Variants in OGFRL1 observed in about 807,000 individuals in gnomAD.
OGFRL1 encodes the protein opioid growth factor receptor-like protein 1.
OGFRL1 carries 26 observed loss-of-function variants against 32.4 expected under a neutral mutation model. That is an observed-to-expected ratio of 0.80 (90% confidence interval 0.59 to 1.11). The LOEUF is 1.11. Ranked by LOEUF, OGFRL1 falls within the 50% of genes most tolerant of loss-of-function variation. The probability of loss-of-function intolerance (pLI) is 0.00; values close to 1 mark genes in which losing one functional copy is unlikely to be tolerated. For missense variants in OGFRL1, 521 were observed against 546.4 expected (o/e 0.95, Z 0.46); for synonymous variants, 211 against 201.2 (o/e 1.05, Z -0.41).
chr6:71,293,149 G>T, intron 1 of OGFRL1, 144 bp from the exon 2 acceptor site: 2 of 623,462 alleles, frequency 3.2e-6, no homozygotes, highest in Non-Finnish European at 5.7e-6. Flanking sequence ...GTTATTAAAG[G>T]AATATTTATA....
At chr6:71,300,525 G>A (rs1043780287) in intron 6 of OGFRL1, among the ~76,000 whole-genome samples, 1 of 152,054 alleles carries the variant, frequency 6.6e-6, no homozygotes, top group African/African-American at 2.4e-5. Flanking sequence ...ACCAGAGATT[G>A]AAGAAAATTA....
intron 3 of OGFRL1, among the ~76,000 whole-genome samples, chr6:71,294,982 A>G (rs1178546717): frequency 1.3e-5 from 2 of 152,178 alleles, no homozygotes; most frequent in Non-Finnish European, 2.9e-5. Context: ...TTCAAGCAAT[A>G]TATTGAATTT....
In OGFRL1 at chr6:71,307,535, GTTCA is replaced by G. The variant is rs939321762; in HGVS notation, c.*5491_*5494del. ...ATTTAATTAAAAAATTAGGGAAGTT[GTTCA>G]TTCACAGCTGTATATTAATATAAAA... is the stretch of plus-strand genomic sequence containing the variant. On this transcript the variant is annotated 3_prime_UTR_variant, in exon 7 of 7. Coordinates refer to ENST00000370435, the MANE Select transcript of OGFRL1 (RefSeq NM_024576.5). The G allele has an allele frequency of 2.6e-4, 39 of 152,068 alleles. No homozygotes were observed. Among genetic ancestry groups the G allele is most frequent in the African/African-American group, 7.2e-4 (30 of 41,464 alleles). 9.4% of individuals were successfully genotyped at this position (152,068 alleles called of 1,614,324 possible).
rs376961605 is a variant in OGFRL1, at chr6:71,301,809, G to T, written c.1116G>T (p.Glu372Asp). The part of the protein sequence containing the change: ...TAEDKKVAPK[E>D]PVEETDRPSP... The stretch of plus-strand genomic sequence containing the variant: ...AAGACAAAAAAGTGGCACCAAAAGA[G>T]CCTGTGGAAGAGACAGACAGGCCCA... Residue 372 changes from glutamate (E) to aspartate (D), a missense_variant, in exon 7 of 7, where the codon GAG becomes GAT. Glu to Asp is a conservative substitution (Grantham distance 45). Transcript: ENST00000370435. 6 of 1,612,926 alleles carry T rather than the reference G, an allele frequency of 3.7e-6. No homozygotes were observed. The African/African-American group carries it at 8.0e-5, about 22-fold the overall frequency.
intron 1 of OGFRL1, chr6:71,289,548 T>TAAAAAAAAAAAAAAAAAAAAAAAAAAAAA: frequency 2.2e-6 from 1 of 444,954 alleles, no homozygotes; most frequent in Non-Finnish European, 2.6e-6. Flanking sequence ...GTGTTATTGG[T>TAAAAAAAAAAAAAAAAAAAAAAAAAAAAA]AAAAAAAAAA....
chr6:71,290,782 C>T (rs1352646256), intron 1 of OGFRL1, among the ~76,000 whole-genome samples: 3 of 152,194 alleles, frequency 2.0e-5, no homozygotes, highest in South Asian at 2.1e-4. Context: ...TCATCCTAGT[C>T]CCTCTGAATA....
intron 1 of OGFRL1, among the ~76,000 whole-genome samples, chr6:71,292,721 G>A (rs1321993305): frequency 1.3e-5 from 2 of 152,144 alleles, no homozygotes; most frequent in South Asian, 4.1e-4. Flanking sequence ...TCAGTGAACA[G>A]ATGATTATTC....
At chr6:71,295,879 T>C (rs1766189848) in intron 3 of OGFRL1, 2 of 153,428 alleles carry the variant, frequency 1.3e-5, no homozygotes, top group African/African-American at 4.8e-5. Context: ...AGGACTGGGA[T>C]TGGCAAACTT....
rs1766597386 is a variant in OGFRL1, at chr6:71,307,738, T to A, written c.*5689T>A. The stretch of plus-strand genomic sequence containing the variant: ...AAATTAGATATATAATAAGTTTTGG[T>A]ACTAAGAAACATTTACATTCTACAC... On this transcript the variant is annotated 3_prime_UTR_variant, in exon 7 of 7. Coordinates refer to ENST00000370435, the MANE Select transcript of OGFRL1 (RefSeq NM_024576.5). 1.3e-5 allele frequency: 2 copies of A among 152,200 alleles called. No individual in the cohort carries two copies. The highest frequency in any genetic ancestry group is 4.8e-5 in the African/African-American group (2 of 41,472). 9.4% of individuals were successfully genotyped at this position (152,200 alleles called of 1,614,324 possible).
rs1345348554 is a variant in OGFRL1 at position 71,302,104 on chromosome 6, C to T, written c.*55C>T. 1 of 1,394,860 alleles carries T rather than the reference C, an allele frequency of 7.2e-7. No individual in the cohort carries two copies. 86.4% of individuals were successfully genotyped at this position (1,394,860 alleles called of 1,614,324 possible). A position where few individuals can be genotyped will look rare whatever the true frequency, so the allele number is the denominator to read the frequency against. ...GCTAGAGAGGAAAAAACTACTGTATCATTTATCCTAAAGAACAGAGATGAG... is the reference window on the plus strand; with the variant it reads ...GCTAGAGAGGAAAAAACTACTGTATTATTTATCCTAAAGAACAGAGATGAG... On this transcript the variant is annotated 3_prime_UTR_variant, in exon 7 of 7. Coordinates refer to ENST00000370435, the MANE Select transcript of OGFRL1 (RefSeq NM_024576.5).
In OGFRL1 at chr6:71,303,916, A is replaced by G. The variant is rs1258786725; in HGVS notation, c.*1867A>G. On this transcript the variant is annotated 3_prime_UTR_variant, in exon 7 of 7. Transcript: ENST00000370435. The stretch of plus-strand genomic sequence containing the variant: ...TGAATAGATGAAACATGTCTACTTT[A>G]TTTCATTTAGAAAGGAATTAACTTT... 6.6e-6 allele frequency: 1 copy of G among 152,168 alleles called. No homozygotes were observed. The highest frequency in any genetic ancestry group is 1.5e-5 in the Non-Finnish European group (1 of 67,996). The allele number at this position is 152,168 out of a possible 1,614,324, so 9.4% of individuals were successfully genotyped here.
Position 71,289,159 on chromosome 6 carries a change from G to T in OGFRL1, c.223G>T (p.Gly75Cys), listed in dbSNP as rs2149350168. The T allele has an allele frequency of 9.3e-7, 1 of 1,077,558 alleles. No individual in the cohort carries two copies. The highest frequency in any genetic ancestry group is 4.3e-5 in the South Asian group (1 of 23,508). 66.7% of individuals were successfully genotyped at this position (1,077,558 alleles called of 1,614,324 possible). The change falls in exon 1 of 7, where the codon GGC (glycine) becomes TGC (cysteine). Residue 75 changes from glycine (G) to cysteine (C), a missense_variant. Gly to Cys is a radical substitution (Grantham distance 159). Transcript: ENST00000370435. Reference protein sequence around the residue: ...PAPDEDAEAAGAEQGGDSTEA... With the variant: ...PAPDEDAEAACAEQGGDSTEA... ...GCCGGACGAGGACGCCGAGGCGGCG[G>T]GCGCCGAGCAGGTACGCGGCCCAGC...
In OGFRL1 at chr6:71,305,728, G is replaced by A. The variant is rs569056257; in HGVS notation, c.*3679G>A. On this transcript the variant is annotated 3_prime_UTR_variant, in exon 7 of 7. Transcript: ENST00000370435. Reference sequence around the variant, plus strand: ...GTTTTATACTTTAATCTGAGTGAAAGTATGATGTGGTGGAAAGAAAAAACA... The same window carrying A: ...GTTTTATACTTTAATCTGAGTGAAAATATGATGTGGTGGAAAGAAAAAACA... 1 of 152,106 alleles carries A rather than the reference G, an allele frequency of 6.6e-6. No homozygotes were observed. Among genetic ancestry groups the A allele is most frequent in the South Asian group, 2.1e-4 (1 of 4,832 alleles). The allele number at this position is 152,106 out of a possible 1,614,324, so 9.4% of individuals were successfully genotyped here.
chr6:71,289,255 G>A (rs1267468766), intron 1 of OGFRL1, 85 bp downstream of exon 1: 17 of 1,019,032 alleles, frequency 1.7e-5, no homozygotes, highest in Non-Finnish European at 2.0e-5. Context: ...CTCGCGCTCG[G>A]AGGCCAGGGG....
intron 6 of OGFRL1, 42 bp downstream of exon 6, chr6:71,296,859 A>G (rs377011641): frequency 1.3e-6 from 2 of 1,580,120 alleles, no homozygotes; most frequent in African/African-American, 2.7e-5. Context: ...CAGCACAGTT[A>G]TTTTCCCTTG....
rs1486146508 is a variant in OGFRL1, at chr6:71,305,240, G to C, written c.*3191G>C. ...AAATAGATGTTATATCGCTTGATTA[G>C]TCTAGAACATTTCTAATATTTTGTG... On this transcript the variant is annotated 3_prime_UTR_variant, in exon 7 of 7. Transcript: ENST00000370435. 1 of 149,792 alleles carries C rather than the reference G, an allele frequency of 6.7e-6. No homozygotes were observed. The highest frequency in any genetic ancestry group is 1.5e-5 in the Non-Finnish European group (1 of 67,898). The allele number at this position is 149,792 out of a possible 1,614,324, so 9.3% of individuals were successfully genotyped here. A position where few individuals can be genotyped will look rare whatever the true frequency, so the allele number is the denominator to read the frequency against.
chr6:71,289,434 T>C, intron 1 of OGFRL1: 1 of 984,452 alleles, frequency 1.0e-6, no homozygotes, highest in Middle Eastern at 5.2e-4. Flanking sequence ...AGAACCCAAC[T>C]TGAATGGGTG....
In OGFRL1 at chr6:71,296,541, C is replaced by G; in HGVS notation, c.526C>G (p.Leu176Val). The change falls in exon 5 of 7, where the codon CTA becomes GTA. Residue 176 changes from leucine (L) to valine (V), a missense_variant. Leu to Val is a conservative substitution (Grantham distance 32). Coordinates refer to ENST00000370435, the MANE Select transcript of OGFRL1 (RefSeq NM_024576.5). ...AGGCTTGAACTTCTATGCCAAAGAA[C>G]TAACTACATATGAAATTGAGGTAAT... ...EQGLNFYAKE[L>V]TTYEIEEFKK... The G allele has an allele frequency of 2.5e-6, 4 of 1,611,960 alleles. No individual in the cohort carries two copies. The highest frequency in any genetic ancestry group is 3.4e-6 in the Non-Finnish European group (4 of 1,179,270).
chr6:71,307,841 A>C lies in OGFRL1; in HGVS notation c.*5792A>C, dbSNP rs928032646. On this transcript the variant is annotated 3_prime_UTR_variant, in exon 7 of 7. Coordinates refer to ENST00000370435, the MANE Select transcript of OGFRL1 (RefSeq NM_024576.5). ...TGAAGAAAAATAAAATACAAATGAA[A>C]TAAAAGTCTAGAAACAGCAACAGGA... 5.9e-5 allele frequency: 9 copies of C among 152,228 alleles called. No homozygotes were observed. The highest frequency in any genetic ancestry group is 1.9e-4 in the African/African-American group (8 of 41,472). The allele number at this position is 152,228 out of a possible 1,614,324, so 9.4% of individuals were successfully genotyped here.
Sources: gnomAD v4.1 joint callset for allele counts (sites outside exome capture counted in the v4.1 genomes callset) on GRCh38, gnomAD v4.1.1 for gene constraint, MANE v1.5 for transcripts, NCBI Gene and HGNC (gene_info 2026-07-23, HGNC 2026-07-21) for gene names.